Variants in NEGR1 observed in about 807,000 individuals in gnomAD.
NEGR1 encodes the protein neuronal growth regulator 1.
Under a neutral mutation model 40.9 loss-of-function variants are expected in NEGR1, and 10 were observed. That is an observed-to-expected ratio of 0.24 (90% CI 0.15 to 0.42). The LOEUF is 0.42. NEGR1 is among the 10% of genes least tolerant of loss of function. The pLI is 1.00. For synonymous variants in NEGR1, 185 were observed against 166.8 expected (o/e 1.11, Z -0.84); for missense variants, 352 against 438.9 (o/e 0.80, Z 1.77).
intron 6 of NEGR1, among the ~76,000 whole-genome samples, chr1:71,559,589 G>A (rs867063480): frequency 7.3e-5 from 11 of 151,418 alleles, no homozygotes; most frequent in Admixed American, 1.3e-4. Context: ...AATACCCTGC[G>A]ACATAGTTCT....
chr1:71,532,497 A>G (rs183665345), intron 6 of NEGR1, among the ~76,000 whole-genome samples: 46 of 151,756 alleles, frequency 3.0e-4, no homozygotes, highest in Non-Finnish European at 1.5e-5. Context: ...TGATTTTATA[A>G]CAATGGAATA....
chr1:71,732,506 G>A (rs1429554444), intron 3 of NEGR1, among the ~76,000 whole-genome samples: 2 of 151,196 alleles, frequency 1.3e-5, no homozygotes, highest in African/African-American at 4.9e-5. Context: ...GTGTGTGTGT[G>A]TGTGTGTGTG....
intron 1 of NEGR1, among the ~76,000 whole-genome samples, chr1:71,960,671 A>G (rs1308992148): frequency 6.6e-6 from 1 of 152,160 alleles, no homozygotes; most frequent in Non-Finnish European, 1.5e-5. Flanking sequence ...TCCCATGAAC[A>G]TTAGTGGCTC....
At chr1:71,458,601 T>G (rs1646691677) in intron 6 of NEGR1, among the ~76,000 whole-genome samples, 1 of 152,234 alleles carries the variant, frequency 6.6e-6, no homozygotes, top group Non-Finnish European at 1.5e-5. Context: ...ATAAGCATCT[T>G]GGAGGTTGGG....
rs527633125 is a variant in NEGR1 at position 72,131,806 on chromosome 1, C to T, written c.176+150513G>A. Among the ~76,000 whole-genome samples the T allele has an allele frequency of 3.3e-5, 5 of 152,118 alleles. No individual in the cohort carries two copies. The South Asian group carries it at 1.0e-3, about 32-fold the overall frequency. ...TAGTTATCCTTAAGGGTATTTTACT[C>T]CCAGTATTGGCTGAGCGTGGTGGCT... On this transcript the variant is annotated intron_variant, in intron 1 of 6. Transcript: ENST00000357731.
intron 2 of NEGR1, among the ~76,000 whole-genome samples, chr1:71,870,159 C>T (rs1364376191): frequency 3.9e-5 from 6 of 152,034 alleles, no homozygotes; most frequent in Non-Finnish European, 8.8e-5. Flanking sequence ...GGATTACAGG[C>T]GTGAGCCACC....
chr1:71,899,277 G>C (rs2101861268), intron 2 of NEGR1, among the ~76,000 whole-genome samples: 1 of 151,982 alleles, frequency 6.6e-6, no homozygotes, highest in Non-Finnish European at 1.5e-5. Context: ...AGAAAGAAGT[G>C]GGTTTATGGT....
chr1:71,747,834 T>TG (rs1347209106), intron 3 of NEGR1, among the ~76,000 whole-genome samples: 2 of 150,282 alleles, frequency 1.3e-5, no homozygotes, highest in Non-Finnish European at 3.0e-5. Context: ...TCCTTCACCT[T>TG]TTTTTTTTTT....
chr1:72,253,677 C>G (rs979056056), intron 1 of NEGR1, among the ~76,000 whole-genome samples: 6 of 152,056 alleles, frequency 3.9e-5, no homozygotes, highest in African/African-American at 1.4e-4. Flanking sequence ...CAAGGCAATG[C>G]TAATCAAATA....
intron 3 of NEGR1, among the ~76,000 whole-genome samples, chr1:71,720,021 G>A (rs549826758): frequency 6.6e-6 from 1 of 152,196 alleles, no homozygotes; most frequent in East Asian, 1.9e-4. Context: ...AGTTGTCATA[G>A]AAGTATATAA....
intron 1 of NEGR1, among the ~76,000 whole-genome samples, chr1:72,082,553 A>G (rs1648046214): frequency 6.6e-6 from 1 of 152,110 alleles, no homozygotes; most frequent in Admixed American, 6.6e-5. Context: ...AACTGGAAGA[A>G]AGGAAATCTT....
At chr1:71,930,368 C>T (rs565971815) in intron 2 of NEGR1, among the ~76,000 whole-genome samples, 2 of 152,210 alleles carry the variant, frequency 1.3e-5, no homozygotes, top group Admixed American at 1.3e-4. Flanking sequence ...AAATGAATAA[C>T]TGATTCTGTT....
At chr1:71,626,311 T>C (rs185915734) in intron 4 of NEGR1, among the ~76,000 whole-genome samples, 1 of 151,862 alleles carries the variant, frequency 6.6e-6, no homozygotes, top group Admixed American at 6.6e-5. Context: ...GCTGCACCCA[T>C]TAACTCGTCA....
intron 1 of NEGR1, among the ~76,000 whole-genome samples, chr1:72,269,411 G>A (rs1374160904): frequency 6.6e-6 from 1 of 151,580 alleles, no homozygotes; most frequent in African/African-American, 2.4e-5. Context: ...ACTATAACAA[G>A]GAACTACTGA....
chr1:71,492,868 A>C (rs1646938744), intron 6 of NEGR1, among the ~76,000 whole-genome samples: 1 of 152,132 alleles, frequency 6.6e-6, no homozygotes, highest in Non-Finnish European at 1.5e-5. Context: ...CATAGTCTGT[A>C]AGGCATCCCC....
chr1:71,750,365 T>C (rs1655531123), intron 3 of NEGR1, among the ~76,000 whole-genome samples: 1 of 152,220 alleles, frequency 6.6e-6, no homozygotes, highest in Admixed American at 6.5e-5. Context: ...GGTCAGATTT[T>C]AGATTTTTAC....
At chr1:71,898,964 C>CATATATATATATATAGCATATAT (rs1416526198) in intron 2 of NEGR1, among the ~76,000 whole-genome samples, 2 of 95,938 alleles carry the variant, frequency 2.1e-5, no homozygotes, top group African/African-American at 1.0e-4. Context: ...ATATATATAG[C>CATATATATATATATAGCATATAT]ATATATATAT....
At position 71,753,881 on chromosome 1, in the gene NEGR1, G is replaced by A. The variant is rs536230242; in HGVS notation, c.535+22291C>T. Among the ~76,000 whole-genome samples, 3 of 152,188 alleles carry A rather than the reference G, an allele frequency of 2.0e-5. No homozygotes were observed. In the South Asian group the frequency reaches 6.2e-4, roughly 32 times the overall value. ...TGGGAAGAGAAATGCTGACTTTTTCGAAGACTGCACCTCCTGTTACAGACC... is the reference window on the plus strand; with the variant it reads ...TGGGAAGAGAAATGCTGACTTTTTCAAAGACTGCACCTCCTGTTACAGACC... On this transcript the variant is annotated intron_variant, in intron 3 of 6. Transcript: ENST00000357731.
At chr1:71,983,408 T>C (rs1244098920) in intron 1 of NEGR1, among the ~76,000 whole-genome samples, 3 of 152,158 alleles carry the variant, frequency 2.0e-5, no homozygotes, top group Non-Finnish European at 4.4e-5. Flanking sequence ...GCTTTTTATC[T>C]AGGGGCAAAC....
Sources: allele counts gnomAD v4.1 joint callset (sites outside exome capture counted in the v4.1 genomes callset), GRCh38; gene constraint gnomAD v4.1.1; transcripts MANE v1.5; gene names NCBI Gene and HGNC (gene_info 2026-07-23, HGNC 2026-07-21).